TRPC7: variants seen among roughly 807,000 people sequenced by gnomAD.
The protein encoded by TRPC7 is short transient receptor potential channel 7.
A neutral mutation model predicts 90.1 loss-of-function variants in TRPC7; 42 were observed. The observed-to-expected ratio is 0.47, with a 90% CI of 0.36 to 0.60. TRPC7 has a LOEUF of 0.60. Ranked by LOEUF, TRPC7 falls within the 20% of genes least tolerant of loss-of-function variation. The pLI is 0.00. For synonymous variants in TRPC7, 451 were observed against 436.3 expected, an observed-to-expected ratio of 1.03 and a Z score of -0.42; for missense variants, 955 against 1,112.3, an observed-to-expected ratio of 0.86 and a Z score of 2.01.
intron 3 of TRPC7, among the ~76,000 whole-genome samples, chr5:136,306,227 T>A (rs1317090094): frequency 6.6e-6 from 1 of 152,160 alleles, no homozygotes; most frequent in Non-Finnish European, 1.5e-5. Context: ...CTATGCTGAA[T>A]CTCCTTAGGC....
At chr5:136,352,600 C>T (rs1267309270) in intron 2 of TRPC7, among the ~76,000 whole-genome samples, 2 of 152,112 alleles carry the variant, frequency 1.3e-5, no homozygotes, top group Non-Finnish European at 2.9e-5. Flanking sequence ...CTAGGTGCCT[C>T]TACACAGAGA....
intron 5 of TRPC7, among the ~76,000 whole-genome samples, chr5:136,254,570 A>G (rs1756630813): frequency 6.6e-6 from 1 of 152,214 alleles, no homozygotes; most frequent in African/African-American, 2.4e-5. Flanking sequence ...CAGAAAAAAT[A>G]TATTTCTTTC....
chr5:136,283,641 G>A (rs1757615996), intron 3 of TRPC7, among the ~76,000 whole-genome samples: 1 of 152,148 alleles, frequency 6.6e-6, no homozygotes, highest in South Asian at 2.1e-4. Context: ...AGCTCATCTT[G>A]GTTTGTGAGA....
intron 2 of TRPC7, among the ~76,000 whole-genome samples, chr5:136,349,792 A>G (rs1420707281): frequency 6.6e-6 from 1 of 152,198 alleles, no homozygotes; most frequent in East Asian, 1.9e-4. Flanking sequence ...TCAAGTTACA[A>G]CTGAAGTACA....
chr5:136,213,525 C>T lies in TRPC7; in HGVS notation c.2499G>A (p.Glu833=). 1 of 1,614,066 alleles carries T rather than the reference C, an allele frequency of 6.2e-7. No homozygotes were observed. ...LLEEKSQATG[E]LADLIQQLSE... is the part of the protein sequence containing the mutation. ...TGAGTTGTTGAATCAGGTCTGCCAG[C>T]TCACCAGTAGCTTGAGATTTTTCCT... The change falls in exon 12 of 12, where the codon GAG becomes GAA. Residue 833 remains glutamate, a synonymous_variant. Coordinates refer to ENST00000513104, the MANE Select transcript of TRPC7 (RefSeq NM_020389.3).
Position 136,319,411 on chromosome 5 carries a change from A to AT in TRPC7, c.781-3633dup, listed in dbSNP as rs201484698. The stretch of plus-strand genomic sequence containing the variant: ...CTTCCTTTCTCTCTCCTGAATTCTC[A>AT]TCTTCTCCCTTTCCCTACTTGCTCA... On this transcript the variant is annotated intron_variant, in intron 2 of 11. Transcript: ENST00000513104. Among the ~76,000 whole-genome samples the AT allele has an allele frequency of 3.4e-3, 516 of 151,612 alleles. 1 individual carries two copies. The highest frequency in any genetic ancestry group is 0.012 in the African/African-American group (475 of 41,268).
At chr5:136,227,005 A>G (rs1015269656) in intron 8 of TRPC7, among the ~76,000 whole-genome samples, 1 of 152,216 alleles carries the variant, frequency 6.6e-6, no homozygotes, top group Admixed American at 6.5e-5. Flanking sequence ...ATTAGACAGT[A>G]TATTTCTTAT....
intron 11 of TRPC7, 44 bp downstream of exon 11, chr5:136,216,156 G>A: frequency 6.6e-7 from 1 of 1,523,202 alleles, no homozygotes; most frequent in Non-Finnish European, 9.0e-7. Context: ...CACAGAACCT[G>A]TGTTGTTTTA....
At chr5:136,347,024 A>G (rs1760028603) in intron 2 of TRPC7, among the ~76,000 whole-genome samples, 1 of 152,196 alleles carries the variant, frequency 6.6e-6, no homozygotes, top group Admixed American at 6.5e-5. Flanking sequence ...ATCCTACTGC[A>G]TTATAACAGA....
At chr5:136,218,853 C>A (rs1755360493) in intron 10 of TRPC7, among the ~76,000 whole-genome samples, 1 of 152,158 alleles carries the variant, frequency 6.6e-6, no homozygotes, top group Admixed American at 6.5e-5. Context: ...ACTGACTCCT[C>A]CAAGAAACTC....
rs537618140 is a variant in TRPC7 at position 136,301,606 on chromosome 5, T to C, written c.963+13991A>G. Reference sequence around the variant, plus strand: ...TCTCCCCAACTCTTAAGAAGGTTCTTTGTAATTCTTCCCACCCTTGAGAAT... The same window carrying C: ...TCTCCCCAACTCTTAAGAAGGTTCTCTGTAATTCTTCCCACCCTTGAGAAT... On this transcript the variant is annotated intron_variant, in intron 3 of 11. Transcript: ENST00000513104. Among the ~76,000 whole-genome samples, 9 of 152,302 alleles carry C rather than the reference T, an allele frequency of 5.9e-5. No homozygotes were observed. The East Asian group carries it at 1.7e-3, about 29-fold the overall frequency.
At chr5:136,215,782 C>T (rs1009425536) in intron 11 of TRPC7, among the ~76,000 whole-genome samples, 2 of 147,060 alleles carry the variant, frequency 1.4e-5, no homozygotes, top group East Asian at 2.0e-4. Context: ...GAGATTGTGC[C>T]GTTGCACTCC....
At chr5:136,363,332 A>T (rs1760626293) in intron 1 of TRPC7, among the ~76,000 whole-genome samples, 1 of 152,130 alleles carries the variant, frequency 6.6e-6, no homozygotes, top group African/African-American at 2.4e-5. Context: ...ACTATTTATC[A>T]TTGCCTTGTA....
chr5:136,219,411 C>A (rs904332025), intron 10 of TRPC7, among the ~76,000 whole-genome samples: 3 of 152,202 alleles, frequency 2.0e-5, no homozygotes, highest in Non-Finnish European at 4.4e-5. Context: ...ACCTCCAGGG[C>A]ACTTCCCAGA....
chr5:136,270,853 G>A (rs1757188149), intron 4 of TRPC7, among the ~76,000 whole-genome samples: 1 of 152,168 alleles, frequency 6.6e-6, no homozygotes, highest in Non-Finnish European at 1.5e-5. Flanking sequence ...CAGAAGCATT[G>A]GTGACATAAG....
chr5:136,314,842 A>C (rs1420729271), intron 3 of TRPC7, among the ~76,000 whole-genome samples: 1 of 152,252 alleles, frequency 6.6e-6, no homozygotes, highest in Non-Finnish European at 1.5e-5. Flanking sequence ...AAACATGTGG[A>C]TCTCTGGAAT....
chr5:136,239,907 C>T (rs1756104437), intron 7 of TRPC7, among the ~76,000 whole-genome samples: 1 of 152,196 alleles, frequency 6.6e-6, no homozygotes, highest in South Asian at 2.1e-4. Flanking sequence ...ACCACATCTG[C>T]TTTTGCTCAC....
At chr5:136,266,565 C>G (rs995905685) in intron 4 of TRPC7, 129 bp from the exon 5 acceptor site, 3 of 785,050 alleles carry the variant, frequency 3.8e-6, no homozygotes, top group Non-Finnish European at 6.1e-6. Flanking sequence ...GCTAACTGAA[C>G]CCATACAACA....
intron 2 of TRPC7, among the ~76,000 whole-genome samples, chr5:136,326,746 C>A (rs1209438299): frequency 1.3e-5 from 2 of 152,014 alleles, no homozygotes; most frequent in Admixed American, 1.3e-4. Flanking sequence ...TATATTTTAC[C>A]AGGGTTGTGT....
Sources: gnomAD v4.1 joint callset for allele counts (sites outside exome capture counted in the v4.1 genomes callset) on GRCh38, gnomAD v4.1.1 for gene constraint, MANE v1.5 for transcripts, NCBI Gene and HGNC (gene_info 2026-07-23, HGNC 2026-07-21) for gene names.